The following EPHA6 variants were observed in gnomAD, a reference collection of about 807,000 sequenced individuals.
The protein encoded by EPHA6 is ephrin type-A receptor 6.
EPHA6 carries 50 observed loss-of-function variants against 112.0 expected under a neutral mutation model. The observed-to-expected ratio is 0.45, with a 90% CI of 0.36 to 0.56. EPHA6 has a LOEUF of 0.56. Ranked by LOEUF, EPHA6 falls within the 20% of genes least tolerant of loss-of-function variation. The pLI, the probability that EPHA6 is intolerant of heterozygous loss-of-function variation, is 0.00. For missense variants in EPHA6, 1,280 were observed against 1,417.4 expected, an observed-to-expected ratio of 0.90 and a Z score of 1.56; for synonymous variants, 529 against 490.7, an observed-to-expected ratio of 1.08 and a Z score of -1.03.
rs1577264664 is a variant in EPHA6, at chr3:97,405,245, C to T, written c.1702C>T (p.Leu568=). ...ACCTGCTTTTTCCAATGGAGCCATT[C>T]TGGACTACGAGATCAAGTACTATGA... ...QAPAFSNGAI[L]DYEIKYYEKE... is the part of the protein sequence containing the mutation. The change falls in exon 6 of 18, where the codon CTG becomes TTG. Residue 568 remains leucine (L), a synonymous_variant. Coordinates refer to ENST00000389672, the MANE Select transcript of EPHA6 (RefSeq NM_001080448.3). 4 of 1,611,700 alleles carry T rather than the reference C, an allele frequency of 2.5e-6. No individual in the cohort carries two copies. In the East Asian group the frequency reaches 6.7e-5, roughly 27 times the overall value.
intron 14 of EPHA6, among the ~76,000 whole-genome samples, chr3:97,707,548 A>G (rs950500455): frequency 6.6e-6 from 1 of 152,254 alleles, no homozygotes; most frequent in Non-Finnish European, 1.5e-5. Context: ...TTGTGTTGGA[A>G]TAATGGAATG....
intron 3 of EPHA6, among the ~76,000 whole-genome samples, chr3:97,026,154 T>C (rs111269560): frequency 1.7e-4 from 26 of 149,050 alleles, no homozygotes; most frequent in African/African-American, 6.2e-4. Context: ...ACCAGTACCA[T>C]GCTGTTTTGG....
intron 13 of EPHA6, among the ~76,000 whole-genome samples, chr3:97,631,670 G>C (rs568434377): frequency 6.6e-6 from 1 of 151,946 alleles, no homozygotes; most frequent in East Asian, 1.9e-4. Flanking sequence ...TTTATTGTAG[G>C]TACCCATGAC....
At chr3:97,543,858 T>C (rs1443422599) in intron 11 of EPHA6, among the ~76,000 whole-genome samples, 13 of 152,138 alleles carry the variant, frequency 8.5e-5, no homozygotes, top group Non-Finnish European at 1.9e-4. Context: ...TTTGAAGCAA[T>C]TGTGAATGGG....
chr3:97,155,074 A>G (rs140716099), intron 3 of EPHA6, among the ~76,000 whole-genome samples: 114 of 152,258 alleles, frequency 7.5e-4, no homozygotes, highest in African/African-American at 2.6e-3. Context: ...TTTTTTTGCA[A>G]TAGCTAAGAG....
chr3:97,607,703 A>T lies in EPHA6; in HGVS notation c.2513-3090A>T, dbSNP rs569566937. Among the ~76,000 whole-genome samples, 6 of 151,284 alleles carry T rather than the reference A, an allele frequency of 4.0e-5. No individual in the cohort carries two copies. The East Asian group carries it at 7.7e-4, about 20-fold the overall frequency. ...GCCTGGTTTGTCCACTGACTTTAGTATGATGCAAATACTAAGATGATTCTG... is the reference window on the plus strand; with the variant it reads ...GCCTGGTTTGTCCACTGACTTTAGTTTGATGCAAATACTAAGATGATTCTG... On this transcript the variant is annotated intron_variant, in intron 12 of 17. Transcript: ENST00000389672.
chr3:97,116,444 G>T (rs1268468619), intron 3 of EPHA6, among the ~76,000 whole-genome samples: 1 of 151,520 alleles, frequency 6.6e-6, no homozygotes, highest in African/African-American at 2.4e-5. Flanking sequence ...CTTTACAGTA[G>T]ATCTCCGGAA....
intron 1 of EPHA6, among the ~76,000 whole-genome samples, chr3:96,817,422 G>A (rs1356538484): frequency 6.6e-6 from 1 of 151,520 alleles, no homozygotes; most frequent in Non-Finnish European, 1.5e-5. Context: ...TGGAAAATGG[G>A]ACATTATAGA....
chr3:97,407,347 AACACACAC>A (rs34259097), intron 6 of EPHA6, among the ~76,000 whole-genome samples: 4 of 147,280 alleles, frequency 2.7e-5, no homozygotes, highest in Non-Finnish European at 4.5e-5. Context: ...ACTGAAATTA[AACACACAC>A]ACACACACAC....
intron 5 of EPHA6, among the ~76,000 whole-genome samples, chr3:97,288,284 T>C (rs910990114): frequency 6.6e-6 from 1 of 152,182 alleles, no homozygotes; most frequent in African/African-American, 2.4e-5. Flanking sequence ...GCCATCTTTA[T>C]GTCCATAAGT....
chr3:97,619,708 A>C (rs2093797897), intron 13 of EPHA6, among the ~76,000 whole-genome samples: 1 of 152,116 alleles, frequency 6.6e-6, no homozygotes, highest in Non-Finnish European at 1.5e-5. Context: ...ACATCTAACA[A>C]GGGAAGTGAA....
chr3:97,759,571 G>A lies in EPHA6; in HGVS notation c.*10870G>A, dbSNP rs557280387. The A allele has an allele frequency of 4.9e-4, 113 of 231,010 alleles. 1 individual carries two copies. The highest frequency in any genetic ancestry group is 2.3e-3 in the African/African-American group (106 of 45,302). The allele number at this position is 231,010 out of a possible 1,614,324, so 14.3% of individuals were successfully genotyped here. On this transcript the variant is annotated 3_prime_UTR_variant, in exon 18 of 18. Transcript: ENST00000389672. The stretch of plus-strand genomic sequence containing the variant: ...AGGCCTTGAGAGATAGAGGGGTTGC[G>A]ATTTAAAGCATAAGTAGGGAGGTTA...
chr3:97,581,915 G>T (rs1035663648), intron 11 of EPHA6, among the ~76,000 whole-genome samples: 3 of 152,230 alleles, frequency 2.0e-5, no homozygotes, highest in Non-Finnish European at 4.4e-5. Flanking sequence ...TTCTTTCTTT[G>T]TGCTAGAAGG....
chr3:96,878,982 A>G (rs1199629529), intron 2 of EPHA6, among the ~76,000 whole-genome samples: 4 of 152,212 alleles, frequency 2.6e-5, no homozygotes, highest in Non-Finnish European at 5.9e-5. Flanking sequence ...TATTTTGAGT[A>G]TTAGAATTAT....
intron 3 of EPHA6, among the ~76,000 whole-genome samples, chr3:97,043,664 T>C (rs985146583): frequency 6.6e-6 from 1 of 152,170 alleles, no homozygotes; most frequent in African/African-American, 2.4e-5. Context: ...GCTTGTCTGA[T>C]TCCTCAGTGA....
chr3:96,845,408 CTATCCAGCTAGAAATGCAAT>C (rs2035011070), intron 1 of EPHA6, among the ~76,000 whole-genome samples: 2 of 151,964 alleles, frequency 1.3e-5, no homozygotes, highest in South Asian at 4.1e-4. Flanking sequence ...ACTTACTATC[CTATCCAGCTAGAAATGCAAT>C]AAAGTCCTCA....
At chr3:96,997,606 T>C (rs1463375858) in intron 3 of EPHA6, among the ~76,000 whole-genome samples, 1 of 152,030 alleles carries the variant, frequency 6.6e-6, no homozygotes, top group East Asian at 1.9e-4. Context: ...TTCTGGCTTA[T>C]GTGAGTATGG....
chr3:97,121,201 T>G (rs1425944668), intron 3 of EPHA6, among the ~76,000 whole-genome samples: 2 of 152,044 alleles, frequency 1.3e-5, no homozygotes, highest in Non-Finnish European at 2.9e-5. Context: ...ATCGGAATCC[T>G]TTAGAGAATC....
chr3:97,653,894 G>A (rs947276604), intron 14 of EPHA6, among the ~76,000 whole-genome samples: 1 of 151,852 alleles, frequency 6.6e-6, no homozygotes, highest in Non-Finnish European at 1.5e-5. Flanking sequence ...CAGAATCAGA[G>A]AGACAAATAC....
Sources: allele counts gnomAD v4.1 joint callset (sites outside exome capture counted in the v4.1 genomes callset), GRCh38; gene constraint gnomAD v4.1.1; transcripts MANE v1.5; gene names NCBI Gene and HGNC (gene_info 2026-07-23, HGNC 2026-07-21).